TPST2: variants seen among roughly 807,000 people sequenced by gnomAD.
The protein encoded by TPST2 is tyrosylprotein sulfotransferase 2.
A neutral mutation model predicts 27.8 loss-of-function variants in TPST2; 16 were observed. That is an observed-to-expected ratio of 0.58 (90% CI 0.39 to 0.88). TPST2 has a LOEUF of 0.88. Among genes scored for constraint, TPST2 ranks in the 40% least tolerant of loss-of-function variants. The pLI is 0.00. For missense variants in TPST2, 464 were observed against 543.1 expected (o/e 0.85, Z 1.45); for synonymous variants, 229 against 231.7 (o/e 0.99, Z 0.10).
chr22:26,537,619 A>G (rs1397086907), intron 3 of TPST2, among the ~76,000 whole-genome samples: 2 of 151,934 alleles, frequency 1.3e-5, no homozygotes, highest in African/African-American at 4.8e-5. Flanking sequence ...CGCCCAGCTA[A>G]TTTTTGTATT....
At chr22:26,556,213 A>C in intron 1 of TPST2, among the ~76,000 whole-genome samples, 1 of 152,208 alleles carries the variant, frequency 6.6e-6, no homozygotes, top group East Asian at 1.9e-4. Flanking sequence ...TGTCATCTGC[A>C]AGCAGACACA....
rs570907307 is a variant in TPST2 at position 26,531,566 on chromosome 22, A to G, written c.1092+1129T>C. Among the ~76,000 whole-genome samples the G allele has an allele frequency of 2.2e-4, 33 of 152,258 alleles. No homozygotes were observed. In the South Asian group the frequency reaches 6.8e-3, roughly 32 times the overall value. On this transcript the variant is annotated intron_variant, in intron 5 of 6. Transcript: ENST00000338754. ...CTGCCGGGAAGCCTTTTCTATCCAG[A>G]TCTTTGTGTGGCAGACCTAGTTTTA...
At chr22:26,553,864 T>C (rs113156958) in intron 1 of TPST2, among the ~76,000 whole-genome samples, 3,667 of 152,314 alleles carry the variant, frequency 0.024, 154 homozygotes, top group African/African-American at 0.084. Context: ...GTTGTTACAC[T>C]GTATTGTTTA....
At chr22:26,558,512 A>G (rs184479458) in intron 1 of TPST2, among the ~76,000 whole-genome samples, 2 of 152,328 alleles carry the variant, frequency 1.3e-5, no homozygotes, top group East Asian at 3.9e-4. Context: ...CAAAGGAGAC[A>G]CTGTGGGCAG....
intron 1 of TPST2, among the ~76,000 whole-genome samples, chr22:26,568,220 A>C (rs1927452852): frequency 1.3e-5 from 2 of 152,264 alleles, no homozygotes; most frequent in South Asian, 4.1e-4. Flanking sequence ...TATACTAAAC[A>C]GCCAGGAGAA....
chr22:26,557,507 C>T (rs868166365), intron 1 of TPST2, among the ~76,000 whole-genome samples: 2 of 152,064 alleles, frequency 1.3e-5, no homozygotes, highest in African/African-American at 4.8e-5. Flanking sequence ...CTGAATCTAC[C>T]GATGAGAAAT....
intron 1 of TPST2, among the ~76,000 whole-genome samples, chr22:26,585,229 CA>C (rs1928297279): frequency 6.6e-6 from 1 of 152,178 alleles, no homozygotes; most frequent in South Asian, 2.1e-4. Flanking sequence ...AAGCCCCAGT[CA>C]AAAGTCTTAC....
rs1284207205 is a variant in TPST2 at position 26,522,525 on chromosome 22, T to A, written c.*3750A>T. ...AAAATTCTGCCCAAATCAGGGTACATGGGTGGAATTAATCAAAAAAGTTAG... is the reference window on the plus strand; with the variant it reads ...AAAATTCTGCCCAAATCAGGGTACAAGGGTGGAATTAATCAAAAAAGTTAG... On this transcript the variant is annotated 3_prime_UTR_variant, in exon 7 of 7. Transcript: ENST00000338754. 6.6e-6 allele frequency: 1 copy of A among 152,108 alleles called. No homozygotes were observed. Among genetic ancestry groups the A allele is most frequent in the African/African-American group, 2.4e-5 (1 of 41,404 alleles). 9.4% of individuals were successfully genotyped at this position (152,108 alleles called of 1,614,324 possible).
intron 1 of TPST2, among the ~76,000 whole-genome samples, chr22:26,571,293 A>C (rs1179082854): frequency 6.6e-6 from 1 of 151,980 alleles, no homozygotes; most frequent in Non-Finnish European, 1.5e-5. Context: ...CCTTTCCCCA[A>C]ACATCCACTT....
At chr22:26,573,570 T>C (rs1927715889) in intron 1 of TPST2, among the ~76,000 whole-genome samples, 1 of 152,204 alleles carries the variant, frequency 6.6e-6, no homozygotes, top group South Asian at 2.1e-4. Context: ...TCCACTTCTT[T>C]GTTGTGGAGG....
intron 1 of TPST2, chr22:26,565,757 T>C (rs1054870759): frequency 2.6e-5 from 4 of 152,194 alleles, no homozygotes; most frequent in Non-Finnish European, 5.9e-5. Context: ...ACTCAATATA[T>C]ATAAAATATT....
chr22:26,555,403 C>A (rs1344885029), intron 1 of TPST2: 1 of 370,076 alleles, frequency 2.7e-6, no homozygotes, highest in African/African-American at 2.1e-5. Flanking sequence ...CAGACCCAGG[C>A]GATCTTGGTG....
At chr22:26,552,552 G>T (rs1926540151) in intron 1 of TPST2, among the ~76,000 whole-genome samples, 1 of 152,108 alleles carries the variant, frequency 6.6e-6, no homozygotes, top group East Asian at 1.9e-4. Context: ...TCTCTTGGGG[G>T]TAGGCAAGCT....
At chr22:26,536,598 C>T in intron 3 of TPST2, 112 bp from the exon 4 acceptor site, 2 of 1,031,046 alleles carry the variant, frequency 1.9e-6, no homozygotes, top group Non-Finnish European at 2.7e-6. Flanking sequence ...ACCTGGCCTC[C>T]ACCCAGCTCT....
chr22:26,531,718 T>C (rs1925170982), intron 5 of TPST2, among the ~76,000 whole-genome samples: 1 of 152,176 alleles, frequency 6.6e-6, no homozygotes. Context: ...TTACTTAGCA[T>C]CAGCTGCCAC....
chr22:26,567,673 A>G (rs1446149302), intron 1 of TPST2, among the ~76,000 whole-genome samples: 3 of 152,222 alleles, frequency 2.0e-5, no homozygotes, highest in Non-Finnish European at 4.4e-5. Context: ...CATCTCAAAC[A>G]AATATTTATA....
intron 1 of TPST2, among the ~76,000 whole-genome samples, chr22:26,589,538 A>G (rs536355763): frequency 9.9e-5 from 15 of 152,090 alleles, no homozygotes; most frequent in African/African-American, 3.6e-4. Context: ...GGGCTCCCCA[A>G]CCCAGTGCTC....
At position 26,577,049 on chromosome 22, in the gene TPST2, T is replaced by C. The variant is rs536700876; in HGVS notation, c.-161+13004A>G. 7.4e-5 allele frequency among the ~76,000 whole-genome samples: 11 copies of C among 148,676 alleles called. No homozygotes were observed. The East Asian group carries it at 2.2e-3, about 29-fold the overall frequency. ...AGGCGGAGCTTGCAGTGAGCTGAGA[T>C]TGCGCCACTGCACTCCAGCCTGGGC... On this transcript the variant is annotated intron_variant, in intron 1 of 6. Coordinates refer to ENST00000338754, the MANE Select transcript of TPST2 (RefSeq NM_003595.5).
chr22:26,585,867 G>A (rs963270340), intron 1 of TPST2, among the ~76,000 whole-genome samples: 9 of 151,998 alleles, frequency 5.9e-5, no homozygotes, highest in Admixed American at 2.6e-4. Flanking sequence ...TGGCTAACAC[G>A]GGGAAACCCT....
Sources: gnomAD v4.1 joint callset for allele counts (sites outside exome capture counted in the v4.1 genomes callset) on GRCh38, gnomAD v4.1.1 for gene constraint, MANE v1.5 for transcripts, NCBI Gene and HGNC (gene_info 2026-07-23, HGNC 2026-07-21) for gene names.